Variants in POTEG observed in about 807,000 individuals in gnomAD.
POTEG encodes the protein POTE ankyrin domain family member G.
In POTEG, 2 loss-of-function variants were observed where a neutral mutation model predicts 49.6. The ratio of observed to expected loss-of-function variants is 0.04; its 90% CI spans 0.02 to 0.13. The LOEUF is 0.13. Among genes scored for constraint, POTEG ranks in the 10% least tolerant of loss-of-function variants. The pLI is 1.00. For synonymous variants in POTEG, 7 were observed against 186.6 expected (o/e 0.04, Z 7.84); for missense variants, 26 against 545.2 (o/e 0.05, Z 9.48).
At chr14:19,433,268 G>A (rs112706349) in intron 1 of POTEG, among the ~76,000 whole-genome samples, 6,657 of 117,794 alleles carry the variant, frequency 0.057, 30 homozygotes, top group Middle Eastern at 0.13. Flanking sequence ...TCCTATTCAA[G>A]CACAAGAACC....
intron 6 of POTEG, among the ~76,000 whole-genome samples, chr14:19,419,908 C>G (rs1459464973): frequency 7.1e-5 from 10 of 141,574 alleles, no homozygotes; most frequent in African/African-American, 2.8e-4. Flanking sequence ...CTTCCCATGG[C>G]CCATGGGGTA....
intron 1 of POTEG, among the ~76,000 whole-genome samples, chr14:19,432,445 T>TAC (rs1332820292): frequency 0.13 from 9,182 of 71,108 alleles, 67 homozygotes; most frequent in East Asian, 0.26. Flanking sequence ...TATATATATA[T>TAC]ACATATATAT....
At chr14:19,416,228 C>G in intron 7 of POTEG, 60 bp downstream of exon 7, 2 of 1,242,464 alleles carry the variant, frequency 1.6e-6, no homozygotes, top group Non-Finnish European at 2.2e-6. Context: ...ATTATTAAAG[C>G]AAAAAAAAAA....
intron 1 of POTEG, among the ~76,000 whole-genome samples, chr14:19,432,366 GTATATATATATATATATATATATA>G (rs58599371): frequency 2.4e-4 from 9 of 37,870 alleles, no homozygotes; most frequent in African/African-American, 8.4e-4. Context: ...AAGAAATTTT[GTATATATATATATATATATATATA>G]TATATATATA....
chr14:19,419,982 C>T (rs573719116), intron 6 of POTEG, among the ~76,000 whole-genome samples: 6 of 142,972 alleles, frequency 4.2e-5, no homozygotes, highest in African/African-American at 1.7e-4. Context: ...GAGTATTCAC[C>T]TCATTCCCAA....
intron 7 of POTEG, among the ~76,000 whole-genome samples, chr14:19,415,991 C>T (rs1883549197): frequency 1.3e-5 from 2 of 149,258 alleles, no homozygotes; most frequent in South Asian, 2.1e-4. Context: ...ACTACAGGTG[C>T]CCACCACCAC....
chr14:19,432,269 A>C (rs1884160181), intron 1 of POTEG, among the ~76,000 whole-genome samples: 3 of 80,852 alleles, frequency 3.7e-5, no homozygotes, highest in East Asian at 3.4e-4. Flanking sequence ...AATTGCTTGA[A>C]CCTATGAGGC....
intron 1 of POTEG, among the ~76,000 whole-genome samples, chr14:19,432,472 A>G (rs1311970413): frequency 4.2e-5 from 5 of 120,416 alleles, no homozygotes; most frequent in Admixed American, 1.7e-4. Flanking sequence ...ATATACATAT[A>G]TATACATGTG....
At chr14:19,426,469 G>A (rs1158177972) in intron 3 of POTEG, among the ~76,000 whole-genome samples, 1 of 152,148 alleles carries the variant, frequency 6.6e-6, no homozygotes, top group South Asian at 2.1e-4. Context: ...TTCCAATTGA[G>A]AAAACTCTGC....
At chr14:19,432,446 A>ATG (rs1884195407) in intron 1 of POTEG, among the ~76,000 whole-genome samples, 1 of 49,042 alleles carries the variant, frequency 2.0e-5, no homozygotes, top group Non-Finnish European at 4.1e-5. Context: ...ATATATATAT[A>ATG]CATATATATA....
intron 6 of POTEG, among the ~76,000 whole-genome samples, chr14:19,420,097 A>G (rs1342066181): frequency 1.2e-5 from 1 of 83,690 alleles, no homozygotes; most frequent in Non-Finnish European, 2.3e-5. Context: ...TCTTTCTGCC[A>G]AACAGACAAT....
At chr14:19,414,893 G>T (rs1883489813) in intron 7 of POTEG, among the ~76,000 whole-genome samples, 1 of 126,554 alleles carries the variant, frequency 7.9e-6, no homozygotes, top group African/African-American at 2.6e-5. Flanking sequence ...ACTTAACTTG[G>T]TCACTATTTG....
intron 6 of POTEG, chr14:19,421,029 ACTTT>A (rs2139165298): frequency 8.6e-6 from 1 of 116,112 alleles, no homozygotes; most frequent in South Asian, 3.0e-4. Flanking sequence ...AAAATTCCTT[ACTTT>A]TAGTTTTTTA....
At position 19,425,856 on chromosome 14, in the gene POTEG, T is replaced by G. The variant is rs536639824; in HGVS notation, c.811-144A>C. 301 of 127,430 alleles carry G rather than the reference T, an allele frequency of 2.4e-3. 26 individuals carry two copies. The highest frequency in any genetic ancestry group is 0.015 in the South Asian group (213 of 13,884). 7.9% of individuals were successfully genotyped at this position (127,430 alleles called of 1,614,324 possible). Reference sequence around the variant, plus strand: ...TAGTCGCTTCCTTCTCACTCTTCTGTGCTTTCCCACACGCTGCTCCTTCCC... The same window carrying G: ...TAGTCGCTTCCTTCTCACTCTTCTGGGCTTTCCCACACGCTGCTCCTTCCC... On this transcript the variant is annotated intron_variant, in intron 3 of 10. Transcript: ENST00000547848.
intron 7 of POTEG, among the ~76,000 whole-genome samples, chr14:19,415,835 T>A (rs1883538674): frequency 0.12 from 1,928 of 15,920 alleles, 25 homozygotes; most frequent in Non-Finnish European, 0.19. Context: ...TAAAATTTTT[T>A]TTTTTTTTTT....
At chr14:19,432,965 C>G (rs1884221624) in intron 1 of POTEG, among the ~76,000 whole-genome samples, 1 of 36,006 alleles carries the variant, frequency 2.8e-5, no homozygotes. Context: ...TGCTCTGTCT[C>G]CCAGGTTGGA....
At chr14:19,415,069 T>G (rs1883498659) in intron 7 of POTEG, among the ~76,000 whole-genome samples, 1 of 145,668 alleles carries the variant, frequency 6.9e-6, no homozygotes, top group South Asian at 2.2e-4. Flanking sequence ...GATTCCTAAC[T>G]GGATTGTAGG....
chr14:19,432,435 TATATATATATACATATATATATAC>T (rs1291466458), intron 1 of POTEG, among the ~76,000 whole-genome samples: 1 of 44,432 alleles, frequency 2.3e-5, no homozygotes, highest in Non-Finnish European at 4.0e-5. Flanking sequence ...TATATACGTA[TATATATATATACATATATATATAC>T]ATATATACAT....
At chr14:19,415,829 ATTTTTTTTTTTT>A (rs58833974) in intron 7 of POTEG, among the ~76,000 whole-genome samples, 382 of 96,714 alleles carry the variant, frequency 3.9e-3, no homozygotes, top group African/African-American at 9.4e-3. Context: ...ATCTATTAAA[ATTTTTTTTTTTT>A]TTTTTTTTTT....
Sources: gnomAD v4.1 joint callset for allele counts (sites outside exome capture counted in the v4.1 genomes callset) on GRCh38, gnomAD v4.1.1 for gene constraint, MANE v1.5 for transcripts, NCBI Gene and HGNC (gene_info 2026-07-23, HGNC 2026-07-21) for gene names.